The following RANBP2 variants were observed in gnomAD, a reference collection of about 807,000 sequenced individuals.
The protein encoded by RANBP2 is E3 SUMO-protein ligase RanBP2.
RANBP2 carries 57 observed loss-of-function variants against 303.6 expected under a neutral mutation model. The ratio of observed to expected loss-of-function variants is 0.19; its 90% CI spans 0.15 to 0.23. The LOEUF (loss-of-function observed/expected upper bound fraction) is 0.23. Among genes scored for constraint, RANBP2 ranks in the 10% least tolerant of loss-of-function variants. RANBP2 has a pLI of 1.00. For synonymous variants in RANBP2, 1,167 were observed against 1,301.5 expected, an observed-to-expected ratio of 0.90 and a Z score of 2.23; for missense variants, 3,138 against 3,780.8, an observed-to-expected ratio of 0.83 and a Z score of 4.46.
chr2:109,028,736 C>T, the RANBP2 span, among the ~76,000 whole-genome samples: 1 of 152,082 alleles, frequency 6.6e-6, no homozygotes, highest in Non-Finnish European at 1.5e-5. Context: ...CCACACATAT[C>T]TTGCCCCTCC....
At chr2:108,848,801 G>A in the RANBP2 span, among the ~76,000 whole-genome samples, 1 of 152,120 alleles carries the variant, frequency 6.6e-6, no homozygotes, top group Non-Finnish European at 1.5e-5. Flanking sequence ...ATAGGACAAA[G>A]GGAATAGGAA....
At chr2:108,995,972 A>C in the RANBP2 span, among the ~76,000 whole-genome samples, 10 of 152,322 alleles carry the variant, frequency 6.6e-5, no homozygotes, top group South Asian at 1.7e-3. Context: ...ATTAATTTGC[A>C]GTTTCTCATT....
the RANBP2 span, among the ~76,000 whole-genome samples, chr2:109,598,036 T>C: frequency 6.6e-6 from 1 of 152,150 alleles, no homozygotes. Context: ...GGAAACAGAA[T>C]CCTGACTTAG....
chr2:108,987,388 C>T, the RANBP2 span, among the ~76,000 whole-genome samples: 721 of 152,274 alleles, frequency 4.7e-3, 6 homozygotes, highest in African/African-American at 0.017. Flanking sequence ...TCTGTCTGCA[C>T]TCCGGAGCAA....
chr2:108,876,230 C>G, the RANBP2 span: 2 of 1,612,038 alleles, frequency 1.2e-6, no homozygotes, highest in Non-Finnish European at 1.7e-6. Flanking sequence ...ATGTAACTCC[C>G]TGGTCTCCAG....
chr2:109,477,941 A>G, the RANBP2 span, among the ~76,000 whole-genome samples: 4 of 152,284 alleles, frequency 2.6e-5, no homozygotes, highest in African/African-American at 9.6e-5. Flanking sequence ...TGCAGGAAAG[A>G]TCCTGCCCTG....
chr2:109,567,881 A>G, the RANBP2 span: 7 of 1,613,958 alleles, frequency 4.3e-6, no homozygotes, highest in African/African-American at 1.3e-5. Flanking sequence ...TCTGGACGCC[A>G]TTGCTGACCA....
the RANBP2 span, among the ~76,000 whole-genome samples, chr2:109,375,049 A>G: frequency 6.6e-6 from 1 of 152,038 alleles, no homozygotes; most frequent in Non-Finnish European, 1.5e-5. Flanking sequence ...GAGGAGGTGG[A>G]CCCCGCCCTG....
chr2:109,119,058 G>A, the RANBP2 span, among the ~76,000 whole-genome samples: 6 of 152,304 alleles, frequency 3.9e-5, no homozygotes, highest in East Asian at 3.9e-4. Context: ...GGAAGGCATC[G>A]TCCTAGGTGC....
the RANBP2 span, among the ~76,000 whole-genome samples, chr2:109,002,210 G>C: frequency 6.6e-6 from 1 of 152,226 alleles, no homozygotes; most frequent in Non-Finnish European, 1.5e-5. Context: ...GAGGCCCCCA[G>C]AGGAGGACCC....
chr2:109,444,685 T>C, the RANBP2 span, among the ~76,000 whole-genome samples: 1 of 152,052 alleles, frequency 6.6e-6, no homozygotes, highest in Non-Finnish European at 1.5e-5. Flanking sequence ...TAAACCTAGT[T>C]CTAAGGGAGG....
chr2:108,992,262 G>A, the RANBP2 span, among the ~76,000 whole-genome samples: 1 of 152,216 alleles, frequency 6.6e-6, no homozygotes, highest in Admixed American at 6.5e-5. Flanking sequence ...TACTGTTCCA[G>A]TTGCTGGGTA....
At chr2:109,455,118 A>C in the RANBP2 span, among the ~76,000 whole-genome samples, 2 of 152,164 alleles carry the variant, frequency 1.3e-5, no homozygotes, top group African/African-American at 4.8e-5. Flanking sequence ...TGGCATGGGA[A>C]TGCTGGCCTC....
At chr2:109,424,694 C>T in the RANBP2 span, among the ~76,000 whole-genome samples, 1 of 152,212 alleles carries the variant, frequency 6.6e-6, no homozygotes, top group South Asian at 2.1e-4. Context: ...ACCATGCCCA[C>T]ATAAGACAGC....
chr2:109,064,411 A>G, the RANBP2 span, among the ~76,000 whole-genome samples: 64,080 of 141,082 alleles, frequency 0.45, 14,433 homozygotes, highest in Middle Eastern at 0.55. Context: ...AGCTGAGATC[A>G]CGCCACTCCA....
chr2:108,791,505 G>A, the RANBP2 span: 1 of 710,828 alleles, frequency 1.4e-6, no homozygotes, highest in Non-Finnish European at 2.5e-6. Flanking sequence ...TCAATGATCA[G>A]TGACTGTTAG....
At chr2:108,724,958 C>T (rs1375489601) in intron 1 of RANBP2, among the ~76,000 whole-genome samples, 1 of 151,898 alleles carries the variant, frequency 6.6e-6, no homozygotes, top group Non-Finnish European at 1.5e-5. Flanking sequence ...GAGTGAGACT[C>T]CATCTGAATT....
At chr2:108,935,693 A>G in the RANBP2 span, among the ~76,000 whole-genome samples, 1 of 152,002 alleles carries the variant, frequency 6.6e-6, no homozygotes, top group African/African-American at 2.4e-5. Context: ...GATTCCCTTA[A>G]TCTTGTTAGA....
chr2:109,299,248 TCTCA>T, the RANBP2 span, among the ~76,000 whole-genome samples: 105 of 152,376 alleles, frequency 6.9e-4, no homozygotes, highest in Non-Finnish European at 9.1e-4. Flanking sequence ...CCAAAGGACC[TCTCA>T]CTCTTTAGCT....
Sources: allele counts gnomAD v4.1 joint callset (sites outside exome capture counted in the v4.1 genomes callset), GRCh38; gene constraint gnomAD v4.1.1; transcripts MANE v1.5; gene names NCBI Gene and HGNC (gene_info 2026-07-23, HGNC 2026-07-21).